The following PLA2G6 variants were observed in gnomAD, a reference collection of about 807,000 sequenced individuals.
PLA2G6 encodes the protein 85/88 kDa calcium-independent phospholipase A2.
In PLA2G6, 62 loss-of-function variants were observed where a neutral mutation model predicts 83.8. The observed-to-expected ratio is 0.74, with a 90% CI of 0.60 to 0.91. PLA2G6 has a LOEUF of 0.91. PLA2G6 is among the 40% of genes least tolerant of loss of function. The probability of loss-of-function intolerance (pLI) is 0.00; values close to 1 mark genes in which losing one functional copy is unlikely to be tolerated. For synonymous variants in PLA2G6, 417 were observed against 449.8 expected, an observed-to-expected ratio of 0.93 and a Z score of 0.92; for missense variants, 944 against 1,102.0, an observed-to-expected ratio of 0.86 and a Z score of 2.03.
chr22:38,129,709 C>T (rs113789271), intron 7 of PLA2G6, 147 bp from the exon 8 acceptor site: 1 of 709,438 alleles, frequency 1.4e-6, no homozygotes. Flanking sequence ...TCACCCCCAC[C>T]CAAGTCAATC....
chr22:38,129,396 G>C, intron 8 of PLA2G6, 58 bp downstream of exon 8: 1 of 1,193,460 alleles, frequency 8.4e-7, no homozygotes, highest in Non-Finnish European at 1.3e-6. Flanking sequence ...CCTCCTCCTC[G>C]GTCCCTGTAT....
rs533352113 is a variant in PLA2G6 at position 38,126,441 on chromosome 22, C to T, written c.1357G>A (p.Asp453Asn). Reference protein sequence around the residue: ...PISLNNLELQDLMHISRARKP... With the variant: ...PISLNNLELQNLMHISRARKP... The stretch of plus-strand genomic sequence containing the variant: ...CGGGCCCGTGAGATGTGCATGAGAT[C>T]CTGTAGTTCTGTGAGGCACAGAGCA... Residue 453 changes from aspartate to asparagine, a missense_variant, in exon 10 of 17, where the codon GAT becomes AAT. Transcript: ENST00000332509. 3.1e-6 allele frequency: 5 copies of T among 1,613,158 alleles called. No individual in the cohort carries two copies. In the South Asian group the frequency reaches 4.4e-5, roughly 14 times the overall value.
intron 1 of PLA2G6, among the ~76,000 whole-genome samples, chr22:38,176,340 G>A (rs1246490546): frequency 6.6e-6 from 1 of 152,204 alleles, no homozygotes; most frequent in Non-Finnish European, 1.5e-5. Flanking sequence ...GAACCCACAG[G>A]CAGCAGGCCA....
rs765050084 is a variant in PLA2G6, at chr22:38,145,611, G to C, written c.252C>G (p.Phe84Leu). Residue 84 changes from phenylalanine (F) to leucine (L), a missense_variant, in exon 3 of 17, where the codon TTC (phenylalanine) becomes TTG (leucine). Physicochemically the swap from Phe to Leu is conservative, Grantham distance 22 (BLOSUM62 0). Transcript: ENST00000332509. ...GTAGCAGCTGGGAAGAATACTGATG[G>C]AAATTCACTAGGGCGTCAGCCTCCA... Reference protein sequence around the residue: ...LELEADALVNFHQYSSQLLPF... With the variant: ...LELEADALVNLHQYSSQLLPF... The C allele has an allele frequency of 2.5e-6, 4 of 1,613,752 alleles. No individual in the cohort carries two copies. The highest frequency in any genetic ancestry group is 3.4e-6 in the Non-Finnish European group (4 of 1,179,876).
chr22:38,167,501 A>G (rs937115078), intron 2 of PLA2G6, among the ~76,000 whole-genome samples: 3 of 151,518 alleles, frequency 2.0e-5, no homozygotes, highest in Non-Finnish European at 4.4e-5. Flanking sequence ...CAAGGAGTGG[A>G]CCCGCTGCCC....
At position 38,116,129 on chromosome 22, in the gene PLA2G6, G is replaced by C. The variant is rs199540781; in HGVS notation, c.1825C>G (p.Arg609Gly). 2 of 1,614,064 alleles carry C rather than the reference G, an allele frequency of 1.2e-6. No individual in the cohort carries two copies. Among genetic ancestry groups the C allele is most frequent in the South Asian group, 2.2e-5 (2 of 91,084 alleles). The change falls in exon 13 of 17, where the codon CGG becomes GGG. Residue 609 changes from arginine to glycine, a missense_variant. Physicochemically the swap from Arg to Gly is moderately radical, Grantham distance 125. Coordinates refer to ENST00000332509, the MANE Select transcript of PLA2G6 (RefSeq NM_003560.4). The part of the protein sequence containing the change: ...FRNYDAPETV[R>G]EPRFNQNVNL... ...ACGTTCTGGTTGAAACGAGGCTCCC[G>C]GACAGTTTCTGGAGCATCGTAGTTC...
chr22:38,145,784 AACACACACACACAC>A (rs132936), intron 2 of PLA2G6, 131 bp from the exon 3 acceptor site: 139 of 484,252 alleles, frequency 2.9e-4, no homozygotes, highest in Middle Eastern at 6.0e-4. Flanking sequence ...CTCCCAAGCA[AACACACACACACAC>A]ACACACACAC....
At chr22:38,124,116 C>T (rs756435212) in intron 10 of PLA2G6, among the ~76,000 whole-genome samples, 1 of 151,936 alleles carries the variant, frequency 6.6e-6, no homozygotes, top group African/African-American at 2.4e-5. Flanking sequence ...ATTACAGGCA[C>T]GAGCCACCGT....
intron 14 of PLA2G6, among the ~76,000 whole-genome samples, chr22:38,114,146 G>A (rs1346654368): frequency 6.6e-6 from 1 of 152,136 alleles, no homozygotes; most frequent in Non-Finnish European, 1.5e-5. Context: ...TAGGGAAGTA[G>A]GGGCTAAGGC....
intron 1 of PLA2G6, among the ~76,000 whole-genome samples, chr22:38,172,297 T>C (rs1435524103): frequency 6.6e-6 from 1 of 152,224 alleles, no homozygotes; most frequent in African/African-American, 2.4e-5. Context: ...CAGTGAAAGC[T>C]GGCACCCAGA....
intron 2 of PLA2G6, chr22:38,148,181 A>C: frequency 3.1e-6 from 1 of 324,954 alleles, no homozygotes; most frequent in Non-Finnish European, 5.9e-6. Flanking sequence ...AATGGAGGGA[A>C]CCAAGGCCTG....
chr22:38,166,229 A>C (rs1285454074), intron 2 of PLA2G6, among the ~76,000 whole-genome samples: 4 of 152,110 alleles, frequency 2.6e-5, no homozygotes, highest in Admixed American at 2.6e-4. Context: ...GTCCCTGAGG[A>C]GGGGGAGATT....
In PLA2G6 at chr22:38,129,487, T is replaced by C; in HGVS notation, c.1153A>G (p.Thr385Ala). The C allele has an allele frequency of 6.2e-7, 1 of 1,613,142 alleles. No homozygotes were observed. Among genetic ancestry groups the C allele is most frequent in the Non-Finnish European group, 8.5e-7 (1 of 1,179,304 alleles). ...ATTTTGGAGGCTAGGAATGTAGGAG[T>C]CTCCCCAAAGTCATTCGGGGTGTCC... ...EVDTPNDFGE[T>A]PTFLASKIGR... The change falls in exon 8 of 17, where the codon ACT (threonine) becomes GCT (alanine). Residue 385 changes from threonine (T) to alanine (A), a missense_variant. By Grantham distance (58) the Thr-to-Ala change is moderately conservative. Transcript: ENST00000332509.
chr22:38,158,704 T>C (rs1331727309), intron 2 of PLA2G6, among the ~76,000 whole-genome samples: 2 of 152,234 alleles, frequency 1.3e-5, no homozygotes, highest in Admixed American at 6.5e-5. Flanking sequence ...AATTTTTATA[T>C]AGGTGTTCTT....
chr22:38,150,217 G>A (rs541139521), intron 2 of PLA2G6: 1 of 152,308 alleles, frequency 6.6e-6, no homozygotes, highest in East Asian at 1.9e-4. Context: ...ATCTGGCGAT[G>A]TAACTGCGTT....
At chr22:38,157,439 AAG>A (rs1232204446) in intron 2 of PLA2G6, among the ~76,000 whole-genome samples, 1 of 152,184 alleles carries the variant, frequency 6.6e-6, no homozygotes, top group Non-Finnish European at 1.5e-5. Context: ...GACCAATAAC[AAG>A]TAATGAGATC....
chr22:38,113,981 G>A (rs1389379991), intron 14 of PLA2G6: 2 of 436,134 alleles, frequency 4.6e-6, no homozygotes, highest in Non-Finnish European at 8.8e-6. Flanking sequence ...AGGAAAGGCA[G>A]ACGGTGTTCC....
chr22:38,122,972 A>G (rs1035770824), intron 11 of PLA2G6, 123 bp downstream of exon 11: 1 of 974,218 alleles, frequency 1.0e-6, no homozygotes, highest in East Asian at 2.6e-5. Flanking sequence ...CTGCCTCCTC[A>G]AAGTGCTTAT....
At chr22:38,135,267 C>T (rs754835751) in intron 5 of PLA2G6, 183 bp from the exon 6 acceptor site, 22 of 599,224 alleles carry the variant, frequency 3.7e-5, no homozygotes, top group Non-Finnish European at 6.1e-5. Flanking sequence ...GCACAACTAA[C>T]CCCCTCCTCC....
Sources: allele counts gnomAD v4.1 joint callset (sites outside exome capture counted in the v4.1 genomes callset), GRCh38; gene constraint gnomAD v4.1.1; transcripts MANE v1.5; gene names NCBI Gene and HGNC (gene_info 2026-07-23, HGNC 2026-07-21).